The following DNAAF4 variants were observed in gnomAD, a reference collection of about 807,000 sequenced individuals.
The protein encoded by DNAAF4 is dynein axonemal assembly factor 4.
A neutral mutation model predicts 51.8 loss-of-function variants in DNAAF4; 43 were observed. That is an observed-to-expected ratio of 0.83 (90% CI 0.65 to 1.07). DNAAF4 has a LOEUF of 1.07. DNAAF4 is among the 50% of genes least tolerant of loss of function. DNAAF4 has a pLI of 0.00. For synonymous variants in DNAAF4, 194 were observed against 165.6 expected (o/e 1.17, Z -1.32); for missense variants, 581 against 493.0 (o/e 1.18, Z -1.69).
At chr15:55,500,785 G>A (rs565267925) in intron 1 of DNAAF4, among the ~76,000 whole-genome samples, 1 of 151,974 alleles carries the variant, frequency 6.6e-6, no homozygotes, top group Non-Finnish European at 1.5e-5. Flanking sequence ...CTGAGGTTGG[G>A]AGTTCAAGAC....
intron 5 of DNAAF4, among the ~76,000 whole-genome samples, chr15:55,455,967 C>A (rs575812862): frequency 6.6e-6 from 1 of 151,720 alleles, no homozygotes; most frequent in Non-Finnish European, 1.5e-5. Context: ...TCCCCTGGCA[C>A]ATAGTAGTCA....
At chr15:55,501,445 G>T (rs1315795189) in intron 1 of DNAAF4, among the ~76,000 whole-genome samples, 1 of 147,178 alleles carries the variant, frequency 6.8e-6, no homozygotes, top group Non-Finnish European at 1.5e-5. Context: ...GCGCTATCTC[G>T]GCTCACTGCA....
intron 4 of DNAAF4, among the ~76,000 whole-genome samples, chr15:55,473,243 ATG>A (rs1300452062): frequency 8.3e-6 from 1 of 120,786 alleles, no homozygotes; most frequent in African/African-American, 2.9e-5. Flanking sequence ...ATATATATAT[ATG>A]TGTGTGTATA....
chr15:55,466,506 A>G (rs2058172747), intron 5 of DNAAF4, among the ~76,000 whole-genome samples: 2 of 152,228 alleles, frequency 1.3e-5, no homozygotes, highest in African/African-American at 4.8e-5. Context: ...GCTGTAGAGT[A>G]AGTCTGCTTA....
At chr15:55,468,682 C>T (rs1054491299) in intron 4 of DNAAF4, among the ~76,000 whole-genome samples, 1 of 152,062 alleles carries the variant, frequency 6.6e-6, no homozygotes, top group Admixed American at 6.6e-5. Flanking sequence ...ACACCCTCAC[C>T]CATCATACTC....
At chr15:55,433,999 TTA>T (rs2057565451) in intron 8 of DNAAF4, among the ~76,000 whole-genome samples, 1 of 62,098 alleles carries the variant, frequency 1.6e-5, no homozygotes, top group Non-Finnish European at 3.1e-5. Flanking sequence ...ATATATAATA[TTA>T]TATATATTAT....
downstream of DNAAF4, among the ~76,000 whole-genome samples, chr15:55,428,596 G>A (rs1442267964): frequency 2.9e-5 from 4 of 136,606 alleles, no homozygotes; most frequent in South Asian, 2.5e-4. Flanking sequence ...CCGAGTTCTC[G>A]CCATTCTCCT....
chr15:55,424,216 T>TTTTCC (rs1317661549), intron 7 of DNAAF4, among the ~76,000 whole-genome samples: 2 of 152,206 alleles, frequency 1.3e-5, no homozygotes, highest in Non-Finnish European at 2.9e-5. Context: ...TTCAGCCCCC[T>TTTTCC]TTTCCTTTCC....
chr15:55,432,702 TG>T (rs1202006552), intron 8 of DNAAF4, 100 bp from the exon 9 acceptor site: 2 of 1,035,250 alleles, frequency 1.9e-6, no homozygotes, highest in Non-Finnish European at 2.8e-6. Context: ...TCCCAACACT[TG>T]GGGAGGCCGA....
chr15:55,423,264 C>T (rs1330333053), intron 7 of DNAAF4, among the ~76,000 whole-genome samples: 1 of 151,660 alleles, frequency 6.6e-6, no homozygotes, highest in African/African-American at 2.4e-5. Flanking sequence ...CGCAATGACA[C>T]AAGCACAGCT....
chr15:55,447,877 G>GCAGAGGGGAGAGGGGAGAGGGGAGAGGT (rs1452076824), intron 6 of DNAAF4, among the ~76,000 whole-genome samples: 6 of 95,662 alleles, frequency 6.3e-5, no homozygotes, highest in Non-Finnish European at 9.0e-5. Flanking sequence ...AGGGGAGAGG[G>GCAGAGGGGAGAGGGGAGAGGGGAGAGGT]GAGAGGGGAG....
chr15:55,450,327 T>C lies in DNAAF4; in HGVS notation c.678A>G (p.Glu226=), dbSNP rs1267514257. The change falls in exon 6 of 10, where the codon GAA becomes GAG. Residue 226 remains glutamate (E), a synonymous_variant. Coordinates refer to ENST00000321149, the MANE Select transcript of DNAAF4 (RefSeq NM_130810.4). ...SENIFTEKLK[E]DSIPAPRSVG... ...CAGAGCGAGGAGCAGGAATACTGTC[T>C]TCCTTTAACTTCTCAGTAAATATAT... 6.2e-7 allele frequency: 1 copy of C among 1,613,290 alleles called. No individual in the cohort carries two copies. Among genetic ancestry groups the C allele is most frequent in the Non-Finnish European group, 8.5e-7 (1 of 1,179,842 alleles).
chr15:55,499,005 G>C (rs187353008), intron 1 of DNAAF4, among the ~76,000 whole-genome samples: 1 of 152,184 alleles, frequency 6.6e-6, no homozygotes, highest in East Asian at 1.9e-4. Flanking sequence ...GTGGGCATAA[G>C]GCTCGGGAAA....
intron 4 of DNAAF4, among the ~76,000 whole-genome samples, chr15:55,479,759 G>A (rs2141551589): frequency 6.6e-6 from 1 of 152,222 alleles, no homozygotes; most frequent in South Asian, 2.1e-4. Flanking sequence ...TGGGCTCTGG[G>A]AATGTCTGTC....
chr15:55,483,833 C>CATTTTTTTTTT (rs1567028675), intron 4 of DNAAF4, among the ~76,000 whole-genome samples: 1 of 82,504 alleles, frequency 1.2e-5, no homozygotes, highest in East Asian at 9.3e-4. Flanking sequence ...GCCAATAAAG[C>CATTTTTTTTTT]TTTTTTTTTT....
chr15:55,431,690 G>A (rs1011877634), intron 9 of DNAAF4, among the ~76,000 whole-genome samples: 8 of 151,908 alleles, frequency 5.3e-5, no homozygotes, highest in Non-Finnish European at 8.8e-5. Context: ...GTGTTAGCCC[G>A]GATGGTCTTG....
At chr15:55,434,016 ATTC>A (rs1455244176) in intron 8 of DNAAF4, among the ~76,000 whole-genome samples, 5 of 84,072 alleles carry the variant, frequency 5.9e-5, no homozygotes, top group African/African-American at 2.3e-4. Flanking sequence ...TATTATATAT[ATTC>A]TTATATATAA....
intron 8 of DNAAF4, among the ~76,000 whole-genome samples, chr15:55,434,188 T>C (rs2057571565): frequency 6.7e-6 from 1 of 148,572 alleles, no homozygotes; most frequent in African/African-American, 2.5e-5. Flanking sequence ...ACAGCTTTAT[T>C]TTTACCAGTA....
chr15:55,417,822 C>G (rs1057183890), exon 8 of DNAAF4: 2 of 248,614 alleles, frequency 8.0e-6, no homozygotes, highest in African/African-American at 2.3e-5. Flanking sequence ...AGACAGTCAG[C>G]GAAGGGAGAT....
Sources: allele counts gnomAD v4.1 joint callset (sites outside exome capture counted in the v4.1 genomes callset), GRCh38; gene constraint gnomAD v4.1.1; transcripts MANE v1.5; gene names NCBI Gene and HGNC (gene_info 2026-07-23, HGNC 2026-07-21).